COL24A1: variants seen among roughly 807,000 people sequenced by gnomAD.
The protein encoded by COL24A1 is collagen type XXIV alpha 1 chain.
In COL24A1, 224 loss-of-function variants were observed where a neutral mutation model predicts 253.9. That is an observed-to-expected ratio of 0.88 (90% CI 0.79 to 0.99). The LOEUF (loss-of-function observed/expected upper bound fraction) is 0.99. COL24A1 is among the 50% of genes least tolerant of loss of function. The probability of loss-of-function intolerance (pLI) is 0.00; values close to 1 mark genes in which losing one functional copy is unlikely to be tolerated. For missense variants in COL24A1, 2,131 were observed against 2,068.5 expected (o/e 1.03, Z -0.59); for synonymous variants, 685 against 673.7 (o/e 1.02, Z -0.26).
At chr1:85,838,786 A>G in intron 42 of COL24A1, 148 bp from the exon 43 acceptor site, 1 of 589,698 alleles carries the variant, frequency 1.7e-6, no homozygotes, top group Non-Finnish European at 2.9e-6. Context: ...TAATTTCAAA[A>G]TATTGAATTT....
chr1:86,134,170 A>G (rs9660587), intron 2 of COL24A1, among the ~76,000 whole-genome samples: 145,060 of 150,788 alleles, frequency 0.96, 69,944 homozygotes, highest in Non-Finnish European at 1. Context: ...ATGGTAGTTT[A>G]TATTTCTGTG....
chr1:85,969,054 G>A (rs574949162), intron 22 of COL24A1, among the ~76,000 whole-genome samples: 1 of 152,156 alleles, frequency 6.6e-6, no homozygotes, highest in South Asian at 2.1e-4. Context: ...TCAACAAATA[G>A]CAACAACAAT....
chr1:86,047,634 ATCT>A (rs1472345025), intron 11 of COL24A1, among the ~76,000 whole-genome samples: 1 of 152,148 alleles, frequency 6.6e-6, no homozygotes, highest in East Asian at 1.9e-4. Flanking sequence ...GTTTATTAAA[ATCT>A]TCATGTATAT....
chr1:85,919,623 T>C (rs191614981), intron 24 of COL24A1, among the ~76,000 whole-genome samples: 2 of 152,246 alleles, frequency 1.3e-5, no homozygotes, highest in East Asian at 3.9e-4. Context: ...GAGGCTGCAG[T>C]GGAGCAATGA....
intron 52 of COL24A1, among the ~76,000 whole-genome samples, chr1:85,776,378 T>C (rs1668543831): frequency 6.6e-6 from 1 of 152,136 alleles, no homozygotes; most frequent in Non-Finnish European, 1.5e-5. Context: ...TTGGTGAACG[T>C]TCCATATGCA....
At chr1:85,768,134 G>A (rs182413177) in intron 53 of COL24A1, among the ~76,000 whole-genome samples, 211 of 152,262 alleles carry the variant, frequency 1.4e-3, no homozygotes, top group African/African-American at 4.5e-3. Context: ...CATTTGAAGA[G>A]TATATGAAAG....
Position 85,835,047 on chromosome 1 carries a change from T to A in COL24A1, c.3681+3538A>T, listed in dbSNP as rs534344434. Reference sequence around the variant, plus strand: ...CAGAGACTGTGTCTGGGATGTCCAATGTAATATCCATGGCCCCTAGCTCTT... The same window carrying A: ...CAGAGACTGTGTCTGGGATGTCCAAAGTAATATCCATGGCCCCTAGCTCTT... On this transcript the variant is annotated intron_variant, in intron 43 of 59. Coordinates refer to ENST00000370571, the MANE Select transcript of COL24A1 (RefSeq NM_152890.7). Among the ~76,000 whole-genome samples, 10 of 152,272 alleles carry A rather than the reference T, an allele frequency of 6.6e-5. No individual in the cohort carries two copies. The South Asian group carries it at 1.9e-3, about 28-fold the overall frequency.
At chr1:85,911,151 T>C (rs1431338347) in intron 25 of COL24A1, among the ~76,000 whole-genome samples, 1 of 152,024 alleles carries the variant, frequency 6.6e-6, no homozygotes, top group African/African-American at 2.4e-5. Flanking sequence ...GACTGTTCCA[T>C]CTTTTCTCTT....
chr1:85,830,728 C>T (rs1436542366), intron 43 of COL24A1, among the ~76,000 whole-genome samples: 1 of 152,194 alleles, frequency 6.6e-6, no homozygotes, highest in Non-Finnish European at 1.5e-5. Flanking sequence ...GGAAAGGGAA[C>T]TCCCTGACCC....
At chr1:86,075,209 T>A (rs887875010) in intron 7 of COL24A1, among the ~76,000 whole-genome samples, 3 of 152,116 alleles carry the variant, frequency 2.0e-5, no homozygotes, top group Non-Finnish European at 2.9e-5. Flanking sequence ...GTAAATGGGA[T>A]ATCATCACCG....
intron 7 of COL24A1, among the ~76,000 whole-genome samples, chr1:86,074,623 G>A (rs1279356433): frequency 6.6e-6 from 1 of 152,136 alleles, no homozygotes; most frequent in African/African-American, 2.4e-5. Context: ...GACATCTACA[G>A]AACTCTGCAC....
chr1:85,810,469 G>C (rs1371510945), intron 47 of COL24A1, among the ~76,000 whole-genome samples: 1 of 152,138 alleles, frequency 6.6e-6, no homozygotes, highest in African/African-American at 2.4e-5. Context: ...TATCTATGGA[G>C]CAGCCATTTT....
intron 21 of COL24A1, among the ~76,000 whole-genome samples, chr1:85,970,526 T>C (rs968738006): frequency 1.3e-5 from 2 of 151,148 alleles, no homozygotes; most frequent in Middle Eastern, 3.4e-3. Context: ...AGAAAAAAAT[T>C]AAAAGCTTTT....
At chr1:85,948,474 A>T (rs962256290) in intron 24 of COL24A1, among the ~76,000 whole-genome samples, 25 of 138,922 alleles carry the variant, frequency 1.8e-4, no homozygotes, top group African/African-American at 6.3e-4. Flanking sequence ...CAGTGAGCCG[A>T]GATCGCGCCA....
intron 2 of COL24A1, among the ~76,000 whole-genome samples, chr1:86,142,394 G>A (rs1203827662): frequency 6.6e-6 from 1 of 151,564 alleles, no homozygotes; most frequent in Non-Finnish European, 1.5e-5. Context: ...GTGGTGGTGG[G>A]TGCCTGTAGT....
intron 57 of COL24A1, among the ~76,000 whole-genome samples, 177 bp from the exon 58 acceptor site, chr1:85,737,682 A>T (rs897651821): frequency 2.0e-5 from 3 of 151,422 alleles, no homozygotes; most frequent in Non-Finnish European, 2.9e-5. Context: ...TCATGCCTCA[A>T]CCTCCTGAGT....
At chr1:86,041,325 A>G (rs1312028560) in intron 12 of COL24A1, among the ~76,000 whole-genome samples, 2 of 152,168 alleles carry the variant, frequency 1.3e-5, no homozygotes, top group Non-Finnish European at 1.5e-5. Context: ...CAGCATTCGG[A>G]TAGCAGTTTT....
At chr1:86,102,216 G>T (rs997857114) in intron 5 of COL24A1, among the ~76,000 whole-genome samples, 3 of 152,076 alleles carry the variant, frequency 2.0e-5, no homozygotes, top group African/African-American at 7.2e-5. Context: ...TTGTATTTCT[G>T]TGAGGTCAGT....
Position 86,091,074 on chromosome 1 carries a change from C to T in COL24A1, c.1653+1193G>A, listed in dbSNP as rs528996984. 7.9e-5 allele frequency among the ~76,000 whole-genome samples: 12 copies of T among 152,066 alleles called. No individual in the cohort carries two copies. The South Asian group carries it at 2.5e-3, about 32-fold the overall frequency. ...TGTTTAGATATTTTAAAATATGGCA[C>T]TTGTGTTTCTCATATTGCAGAATTT... On this transcript the variant is annotated intron_variant, in intron 6 of 59. Coordinates refer to ENST00000370571, the MANE Select transcript of COL24A1 (RefSeq NM_152890.7).
Sources: allele counts gnomAD v4.1 joint callset (sites outside exome capture counted in the v4.1 genomes callset), GRCh38; gene constraint gnomAD v4.1.1; transcripts MANE v1.5; gene names NCBI Gene and HGNC (gene_info 2026-07-23, HGNC 2026-07-21).